The following METTL15 variants were observed in gnomAD, a reference collection of about 807,000 sequenced individuals.
METTL15 encodes 12S rRNA N(4)-cytidine methyltransferase METTL15.
A neutral mutation model predicts 38.3 loss-of-function variants in METTL15; 34 were observed. The ratio of observed to expected loss-of-function variants is 0.89; its 90% CI spans 0.68 to 1.18. The LOEUF (loss-of-function observed/expected upper bound fraction) is 1.18. Ranked by LOEUF, METTL15 falls within the 50% of genes most tolerant of loss-of-function variation. METTL15 has a pLI of 0.00. For missense variants in METTL15, 438 were observed against 498.4 expected, an observed-to-expected ratio of 0.88 and a Z score of 1.15; for synonymous variants, 162 against 170.9, an observed-to-expected ratio of 0.95 and a Z score of 0.41.
At chr11:28,247,798 G>T (rs1297806456) in intron 4 of METTL15, among the ~76,000 whole-genome samples, 1 of 152,018 alleles carries the variant, frequency 6.6e-6, no homozygotes, top group East Asian at 1.9e-4. Flanking sequence ...GAGATTTTTT[G>T]CATTATGTTT....
intron 3 of METTL15, among the ~76,000 whole-genome samples, chr11:28,207,751 G>C (rs34855977): frequency 2.6e-5 from 4 of 152,002 alleles, no homozygotes; most frequent in Non-Finnish European, 4.4e-5. Flanking sequence ...GACCCTTTTT[G>C]GATGGTAAGC....
At chr11:28,437,240 C>T (rs1255665613) in intron 6 of METTL15, among the ~76,000 whole-genome samples, 1 of 152,188 alleles carries the variant, frequency 6.6e-6, no homozygotes, top group Non-Finnish European at 1.5e-5. Flanking sequence ...TGTGGGACTT[C>T]ACCTTGTGAT....
chr11:28,485,308 A>G (rs1282344824), intron 6 of METTL15, among the ~76,000 whole-genome samples: 1 of 152,218 alleles, frequency 6.6e-6, no homozygotes, highest in African/African-American at 2.4e-5. Flanking sequence ...TAATGACAAT[A>G]ACTATATTTA....
chr11:28,150,383 A>G (rs1849458395), intron 3 of METTL15, among the ~76,000 whole-genome samples: 2 of 151,830 alleles, frequency 1.3e-5, no homozygotes, highest in Admixed American at 6.6e-5. Flanking sequence ...TGTGAGAGAT[A>G]TTGAGGGAAA....
intron 3 of METTL15, among the ~76,000 whole-genome samples, chr11:28,197,713 T>G (rs1333036964): frequency 2.6e-5 from 4 of 152,244 alleles, no homozygotes; most frequent in African/African-American, 9.6e-5. Context: ...TAATTGTACA[T>G]GCATGTTTGC....
chr11:28,431,615 C>T (rs1372472672), intron 6 of METTL15, among the ~76,000 whole-genome samples: 1 of 72,482 alleles, frequency 1.4e-5, no homozygotes, highest in African/African-American at 5.3e-5. Context: ...AATCCCTAAT[C>T]TCAAGTAATC....
intron 6 of METTL15, among the ~76,000 whole-genome samples, chr11:28,425,438 G>A (rs1056401928): frequency 2.6e-5 from 4 of 152,100 alleles, no homozygotes; most frequent in East Asian, 1.9e-4. Context: ...TTCTCACATC[G>A]TTTTATATAC....
intron 5 of METTL15, among the ~76,000 whole-genome samples, chr11:28,421,649 A>G (rs1229743635): frequency 6.6e-6 from 1 of 152,058 alleles, no homozygotes; most frequent in African/African-American, 2.4e-5. Context: ...CAGTTGAAAA[A>G]ATTTAACATC....
chr11:28,192,639 T>G (rs990664948), intron 3 of METTL15, among the ~76,000 whole-genome samples: 1 of 152,106 alleles, frequency 6.6e-6, no homozygotes, highest in Non-Finnish European at 1.5e-5. Context: ...TAGAATTCAC[T>G]GTTGAAGCTA....
chr11:28,519,049 T>G (rs563757493), intron 6 of METTL15: 1 of 152,358 alleles, frequency 6.6e-6, no homozygotes, highest in South Asian at 2.1e-4. Context: ...TTCTAAGTCT[T>G]AAACACTGAA....
intron 4 of METTL15, among the ~76,000 whole-genome samples, chr11:28,265,477 T>C (rs1040403222): frequency 2.0e-5 from 3 of 151,980 alleles, no homozygotes; most frequent in Non-Finnish European, 2.9e-5. Context: ...ATCTTTTACA[T>C]GGAGTGTAGA....
intron 6 of METTL15, among the ~76,000 whole-genome samples, chr11:28,313,686 C>T (rs1279772700): frequency 6.6e-6 from 1 of 151,190 alleles, no homozygotes; most frequent in Non-Finnish European, 1.5e-5. Context: ...GATTTTTTTA[C>T]TTACTATTTT....
chr11:28,394,859 T>C, intron 5 of METTL15, among the ~76,000 whole-genome samples: 1 of 152,202 alleles, frequency 6.6e-6, no homozygotes, highest in East Asian at 1.9e-4. Context: ...CCTTTATTTA[T>C]ACACCATGAT....
chr11:28,392,855 C>G (rs1850526258), intron 5 of METTL15, among the ~76,000 whole-genome samples: 1 of 151,944 alleles, frequency 6.6e-6, no homozygotes, highest in South Asian at 2.1e-4. Flanking sequence ...CTTGAATAGA[C>G]ATTTCTCCAA....
At chr11:28,454,576 G>A (rs117368050) in intron 6 of METTL15, among the ~76,000 whole-genome samples, 1 of 152,214 alleles carries the variant, frequency 6.6e-6, no homozygotes, top group Non-Finnish European at 1.5e-5. Flanking sequence ...AAGTCATTTA[G>A]CATGGGCCAC....
At chr11:28,146,390 A>AT (rs1448150377) in intron 3 of METTL15, among the ~76,000 whole-genome samples, 2 of 152,176 alleles carry the variant, frequency 1.3e-5, no homozygotes, top group East Asian at 3.9e-4. Context: ...CAGTTTCAAG[A>AT]TTAATTAAGG....
chr11:28,514,414 G>A (rs1851702364), intron 6 of METTL15, among the ~76,000 whole-genome samples: 1 of 152,152 alleles, frequency 6.6e-6, no homozygotes, highest in Admixed American at 6.5e-5. Flanking sequence ...ATATATAGGA[G>A]GATAGAGAAA....
chr11:28,361,305 A>G (rs1160758983), intron 4 of METTL15, among the ~76,000 whole-genome samples: 1 of 151,328 alleles, frequency 6.6e-6, no homozygotes, highest in African/African-American at 2.4e-5. Flanking sequence ...ATTTCTCCAC[A>G]TCCTCTCCAG....
intron 4 of METTL15, among the ~76,000 whole-genome samples, chr11:28,233,304 C>T (rs910455673): frequency 2.0e-5 from 3 of 151,934 alleles, no homozygotes; most frequent in Non-Finnish European, 4.4e-5. Context: ...TAGTAGAATC[C>T]TTTGGAAGTA....
Sources: gnomAD v4.1 joint callset for allele counts (sites outside exome capture counted in the v4.1 genomes callset) on GRCh38, gnomAD v4.1.1 for gene constraint, MANE v1.5 for transcripts, NCBI Gene and HGNC (gene_info 2026-07-23, HGNC 2026-07-21) for gene names.